The following NELL1 variants were observed in gnomAD, a reference collection of about 807,000 sequenced individuals.
NELL1 encodes the protein neural EGFL like 1.
A neutral mutation model predicts 107.4 loss-of-function variants in NELL1; 76 were observed. The ratio of observed to expected loss-of-function variants is 0.71; its 90% CI spans 0.59 to 0.86. NELL1 has a LOEUF of 0.86. NELL1 is among the 40% of genes least tolerant of loss of function. NELL1 has a pLI of 0.00. For missense variants in NELL1, 1,024 were observed against 1,005.5 expected, an observed-to-expected ratio of 1.02 and a Z score of -0.25; for synonymous variants, 353 against 341.2, an observed-to-expected ratio of 1.03 and a Z score of -0.38.
intron 9 of NELL1, 66 bp downstream of exon 9, chr11:20,928,545 T>A: frequency 7.7e-7 from 1 of 1,299,962 alleles, no homozygotes; most frequent in Middle Eastern, 1.9e-4. Flanking sequence ...ATTTTCCCTG[T>A]TTTTCTGGAC....
At chr11:20,702,970 C>CT (rs763147996) in intron 2 of NELL1, among the ~76,000 whole-genome samples, 1 of 152,056 alleles carries the variant, frequency 6.6e-6, no homozygotes, top group East Asian at 1.9e-4. Context: ...CTAAAATTCT[C>CT]TTTTTTTGTT....
chr11:21,127,958 T>C (rs1035290080), intron 13 of NELL1, among the ~76,000 whole-genome samples: 2 of 152,192 alleles, frequency 1.3e-5, no homozygotes, highest in East Asian at 1.9e-4. Flanking sequence ...AACAGATGCA[T>C]GCATTTTTTT....
intron 12 of NELL1, among the ~76,000 whole-genome samples, chr11:20,977,835 A>G (rs1851670964): frequency 6.6e-6 from 1 of 152,182 alleles, no homozygotes; most frequent in East Asian, 1.9e-4. Flanking sequence ...AATATTTATC[A>G]GTACAACTTC....
chr11:21,253,253 C>T (rs1858684910), intron 14 of NELL1, among the ~76,000 whole-genome samples: 1 of 151,960 alleles, frequency 6.6e-6, no homozygotes, highest in African/African-American at 2.4e-5. Context: ...TTTCTTTATT[C>T]CATGATGTCT....
chr11:20,821,390 G>A (rs1857749584), intron 3 of NELL1, among the ~76,000 whole-genome samples: 1 of 152,172 alleles, frequency 6.6e-6, no homozygotes, highest in African/African-American at 2.4e-5. Flanking sequence ...GCCTGATTGA[G>A]CTTAAGTATG....
chr11:21,555,393 C>A (rs967197553), intron 16 of NELL1, among the ~76,000 whole-genome samples: 2 of 151,824 alleles, frequency 1.3e-5, no homozygotes, highest in South Asian at 2.1e-4. Flanking sequence ...GAGGGTCCCA[C>A]GGAAGCTTGC....
At chr11:21,346,050 TAA>T (rs1014119265) in intron 14 of NELL1, among the ~76,000 whole-genome samples, 1 of 152,196 alleles carries the variant, frequency 6.6e-6, no homozygotes, top group Non-Finnish European at 1.5e-5. Context: ...GTTGCAAACC[TAA>T]GTCAAACTGG....
chr11:21,340,293 C>T (rs1446415440), intron 14 of NELL1, among the ~76,000 whole-genome samples: 2 of 151,938 alleles, frequency 1.3e-5, no homozygotes, highest in Non-Finnish European at 2.9e-5. Flanking sequence ...GCTGGGACTA[C>T]AGGCGCCCAC....
chr11:20,802,511 A>G (rs985292124), intron 3 of NELL1, among the ~76,000 whole-genome samples: 1 of 152,096 alleles, frequency 6.6e-6, no homozygotes, highest in African/African-American at 2.4e-5. Flanking sequence ...ATCATCTGTA[A>G]ACAAGGATAA....
intron 13 of NELL1, among the ~76,000 whole-genome samples, chr11:21,122,233 T>C (rs1855384562): frequency 6.6e-6 from 1 of 152,190 alleles, no homozygotes; most frequent in East Asian, 1.9e-4. Context: ...AAAGCCTTGT[T>C]AATATTTCTG....
At chr11:21,119,614 CCCTTGGGGGAGTTTTTAG>C (rs1855318231) in intron 13 of NELL1, among the ~76,000 whole-genome samples, 2 of 152,008 alleles carry the variant, frequency 1.3e-5, no homozygotes, top group South Asian at 4.1e-4. Context: ...TGGCCTTTGA[CCCTTGGGGGAGTTTTTAG>C]CCTTGGAATT....
At chr11:20,978,363 A>G (rs1004568088) in intron 12 of NELL1, among the ~76,000 whole-genome samples, 18 of 152,164 alleles carry the variant, frequency 1.2e-4, no homozygotes, top group African/African-American at 4.1e-4. Flanking sequence ...TTAACGATTT[A>G]CCCAAGTTTA....
At chr11:21,004,692 A>T (rs1235026007) in intron 12 of NELL1, among the ~76,000 whole-genome samples, 1 of 152,162 alleles carries the variant, frequency 6.6e-6, no homozygotes, top group African/African-American at 2.4e-5. Flanking sequence ...TGCTAAGATT[A>T]TGTTAAGATG....
At chr11:21,529,014 A>AT (rs144913005) in intron 15 of NELL1, among the ~76,000 whole-genome samples, 1,847 of 152,176 alleles carry the variant, frequency 0.012, 40 homozygotes, top group East Asian at 0.076. Context: ...GTCTCTCATA[A>AT]TAATTAGGAA....
chr11:21,460,295 A>G (rs1853867913), intron 15 of NELL1, among the ~76,000 whole-genome samples: 1 of 152,096 alleles, frequency 6.6e-6, no homozygotes, highest in African/African-American at 2.4e-5. Flanking sequence ...AATAAAGGAT[A>G]TGACTCATAA....
chr11:21,331,677 A>G (rs1191387584), intron 14 of NELL1, among the ~76,000 whole-genome samples: 9 of 152,094 alleles, frequency 5.9e-5, no homozygotes, highest in African/African-American at 1.7e-4. Context: ...ATCTGATCCA[A>G]TTAATTTCAG....
At chr11:20,931,468 G>T (rs966305474) in intron 9 of NELL1, among the ~76,000 whole-genome samples, 1 of 151,988 alleles carries the variant, frequency 6.6e-6, no homozygotes, top group African/African-American at 2.4e-5. Flanking sequence ...AGTATGTGAG[G>T]TAATGCATAT....
At chr11:21,134,862 T>G (rs1290591212) in intron 13 of NELL1, among the ~76,000 whole-genome samples, 2 of 152,224 alleles carry the variant, frequency 1.3e-5, no homozygotes, top group Non-Finnish European at 2.9e-5. Context: ...TTTACTAGCT[T>G]AATGCACTTG....
chr11:20,855,428 G>A (rs1848865312), intron 4 of NELL1, among the ~76,000 whole-genome samples: 1 of 152,122 alleles, frequency 6.6e-6, no homozygotes, highest in Non-Finnish European at 1.5e-5. Flanking sequence ...TAAAAAGAAA[G>A]CATTTTGTTG....
Sources: allele counts gnomAD v4.1 joint callset (sites outside exome capture counted in the v4.1 genomes callset), GRCh38; gene constraint gnomAD v4.1.1; transcripts MANE v1.5; gene names NCBI Gene and HGNC (gene_info 2026-07-23, HGNC 2026-07-21).